The following LRP1 variants were observed in gnomAD, a reference collection of about 807,000 sequenced individuals.
The protein encoded by LRP1 is LDL receptor related protein 1.
A neutral mutation model predicts 541.5 loss-of-function variants in LRP1; 51 were observed. The observed-to-expected ratio is 0.09, with a 90% CI of 0.08 to 0.12. The LOEUF (loss-of-function observed/expected upper bound fraction) is 0.12, where lower values mean the gene tolerates loss of function less well. LRP1 is among the 10% of genes least tolerant of loss of function. The pLI is 1.00. For synonymous variants in LRP1, 2,219 were observed against 2,470.8 expected, an observed-to-expected ratio of 0.90 and a Z score of 3.02; for missense variants, 3,878 against 6,376.2, an observed-to-expected ratio of 0.61 and a Z score of 13.34.
At chr12:57,192,715 G>GC in intron 44 of LRP1, 130 bp from the exon 45 acceptor site, 1 of 1,307,736 alleles carries the variant, frequency 7.6e-7, no homozygotes, top group Non-Finnish European at 1.1e-6. Context: ...CTGGCTGCAA[G>GC]CCGCTGTGCC....
At chr12:57,196,799 A>C (rs769495688) in intron 55 of LRP1, among the ~76,000 whole-genome samples, 183 bp from the exon 56 acceptor site, 1 of 152,144 alleles carries the variant, frequency 6.6e-6, no homozygotes, top group Non-Finnish European at 1.5e-5. Context: ...AGCTCTGTCA[A>C]ATGACACTCG....
intron 1 of LRP1, among the ~76,000 whole-genome samples, chr12:57,135,847 G>T (rs979587099): frequency 2.0e-5 from 3 of 151,974 alleles, no homozygotes; most frequent in South Asian, 2.1e-4. Context: ...CAGCGGGGGG[G>T]ACTCAGTGAG....
intron 4 of LRP1, 35 bp downstream of exon 4, chr12:57,143,833 G>T (rs751258313): frequency 1.3e-6 from 2 of 1,590,552 alleles, no homozygotes; most frequent in Admixed American, 3.4e-5. Flanking sequence ...GCATGTGTGT[G>T]TGCCAGTAGC....
In LRP1 at chr12:57,178,288, G is replaced by A; in HGVS notation, c.4362-71G>A. ...GGGCTGTGGCCAGGGCCCAGAGGGT[G>A]GGCACCTGGGCAGAGCTCTGAGGGC... On this transcript the variant is annotated intron_variant, in intron 26 of 88. Coordinates refer to ENST00000243077, the MANE Select transcript of LRP1 (RefSeq NM_002332.3). This position sits in a 1 kb window ranked among gnomAD's most constrained non-coding sequence, Gnocchi z 5.8. 6.5e-7 allele frequency: 1 copy of A among 1,545,150 alleles called. No individual in the cohort carries two copies.
rs766859638 is a variant in LRP1, at chr12:57,166,215, G to A, written c.2797+6G>A. On this transcript the variant is annotated splice_donor_region_variant and intron_variant, in intron 17 of 88. Transcript: ENST00000243077. ...GTCCAATGCCACTTGTTCAGGTGTG[G>A]AGCGGGGCTCAGATCACACGAGGCA... 2 of 1,599,664 alleles carry A rather than the reference G, an allele frequency of 1.3e-6. No homozygotes were observed. The highest frequency in any genetic ancestry group is 1.3e-5 in the African/African-American group (1 of 74,498).
chr12:57,201,737 C>G lies in LRP1; in HGVS notation c.10469-43C>G, dbSNP rs767105603. On this transcript the variant is annotated intron_variant, in intron 66 of 88. Coordinates refer to ENST00000243077, the MANE Select transcript of LRP1 (RefSeq NM_002332.3). This position sits in a 1 kb window ranked among gnomAD's most constrained non-coding sequence, Gnocchi z 6.4. ...CTCTCCCCACCCTCCCGGCACACTC[C>G]TGGAAGGAGTCTCATCCTCACCCCA... 2 of 1,610,286 alleles carry G rather than the reference C, an allele frequency of 1.2e-6. No homozygotes were observed. Among genetic ancestry groups the G allele is most frequent in the Admixed American group, 1.7e-5 (1 of 59,898 alleles).
At chr12:57,147,917 T>G (rs1291301462) in intron 6 of LRP1, among the ~76,000 whole-genome samples, 1 of 152,098 alleles carries the variant, frequency 6.6e-6, no homozygotes, top group Non-Finnish European at 1.5e-5. Context: ...GTTATCCCCC[T>G]GGATTGGGTG....
At chr12:57,200,181 G>GC in intron 62 of LRP1, 156 bp downstream of exon 62, 1 of 673,862 alleles carries the variant, frequency 1.5e-6, no homozygotes, top group South Asian at 1.9e-5. Context: ...TCTCCCCACA[G>GC]CAATACTTTT....
intron 1 of LRP1, among the ~76,000 whole-genome samples, chr12:57,131,771 C>T (rs1475992174): frequency 6.6e-6 from 1 of 152,180 alleles, no homozygotes; most frequent in African/African-American, 2.4e-5. Flanking sequence ...TTCATTTTCT[C>T]AACCACCCTT....
intron 22 of LRP1, among the ~76,000 whole-genome samples, chr12:57,174,610 G>A (rs577384638): frequency 1.3e-5 from 2 of 152,220 alleles, no homozygotes; most frequent in East Asian, 3.9e-4. Context: ...CCCTGTCTCT[G>A]CTAAAAATAC....
intron 20 of LRP1, among the ~76,000 whole-genome samples, chr12:57,170,273 C>T (rs934995187): frequency 2.6e-5 from 4 of 152,218 alleles, no homozygotes; most frequent in Admixed American, 2.6e-4. Flanking sequence ...TCTGCAAAGA[C>T]ACTATTTCCA....
At chr12:57,166,429 C>T (rs776699171) in intron 17 of LRP1, 34 of 543,648 alleles carry the variant, frequency 6.3e-5, no homozygotes, top group East Asian at 1.7e-4. Context: ...GGCGTGGTGG[C>T]GTGCACCTCT....
chr12:57,209,867 A>G lies in LRP1; in HGVS notation c.12438A>G (p.Glu4146=), dbSNP rs1468380507. 1 of 1,613,462 alleles carries G rather than the reference A, an allele frequency of 6.2e-7. No individual in the cohort carries two copies. The highest frequency in any genetic ancestry group is 8.5e-7 in the Non-Finnish European group (1 of 1,179,766). ...TTTACCATCAGCACAAGCAGCCCGAAGGTGGGGGCAGAGGGGAGCCTGGGC... is the reference window on the plus strand; with the variant it reads ...TTTACCATCAGCACAAGCAGCCCGAGGGTGGGGGCAGAGGGGAGCCTGGGC... ...VVLYHQHKQP[E]VTNPCDRKKC... is the part of the protein sequence containing the mutation. The change falls in exon 80 of 89, where the codon GAA becomes GAG. Residue 4146 remains glutamate (E), a splice_region_variant and synonymous_variant. Transcript: ENST00000243077.
At position 57,211,149 on chromosome 12, in the gene LRP1, G is replaced by A. The variant is rs2136757561; in HGVS notation, c.12917-27G>A. On this transcript the variant is annotated intron_variant, in intron 83 of 88. Coordinates refer to ENST00000243077, the MANE Select transcript of LRP1 (RefSeq NM_002332.3). The surrounding 1 kb of genome is among the most constrained non-coding windows in gnomAD (Gnocchi z 4.3). ...GAGCCCTCATGAGGGTGGGGCTTGAGGCACTTCTCTCCCTCCCCAACCACA... is the reference window on the plus strand; with the variant it reads ...GAGCCCTCATGAGGGTGGGGCTTGAAGCACTTCTCTCCCTCCCCAACCACA... 6.2e-7 allele frequency: 1 copy of A among 1,610,562 alleles called. No homozygotes were observed. The highest frequency in any genetic ancestry group is 8.5e-7 in the Non-Finnish European group (1 of 1,177,412).
chr12:57,193,157 C>T lies in LRP1; in HGVS notation c.7556-19C>T. On this transcript the variant is annotated intron_variant, in intron 45 of 88. Transcript: ENST00000243077. ...CCCACAGCGCTGGCTCAGAAAGCTC[C>T]CTCCACCTCCCTCCCCAGCGGTGAA... 1 of 1,612,764 alleles carries T rather than the reference C, an allele frequency of 6.2e-7. No individual in the cohort carries two copies. The highest frequency in any genetic ancestry group is 8.5e-7 in the Non-Finnish European group (1 of 1,179,246).
Position 57,145,410 on chromosome 12 carries a change from C to T in LRP1, c.761C>T (p.Thr254Met), listed in dbSNP as rs756497827. Residue 254 changes from threonine (T) to methionine (M), a missense_variant, in exon 6 of 89, where the codon ACG (threonine) becomes ATG (methionine). Coordinates refer to ENST00000243077, the MANE Select transcript of LRP1 (RefSeq NM_002332.3). ...WVHVGDSAAQ[T>M]QLKCARMPGL... ...CATGTTGGGGACAGTGCTGCTCAGACGCAGCTCAAGTGTGCCCGCATGCCT... is the reference window on the plus strand; with the variant it reads ...CATGTTGGGGACAGTGCTGCTCAGATGCAGCTCAAGTGTGCCCGCATGCCT... 8 of 1,614,020 alleles carry T rather than the reference C, an allele frequency of 5.0e-6. No individual in the cohort carries two copies. The African/African-American group carries it at 5.3e-5, about 11-fold the overall frequency.
At chr12:57,166,533 C>A in intron 17 of LRP1, 1 of 392,732 alleles carries the variant, frequency 2.5e-6, no homozygotes, top group East Asian at 5.2e-5. Flanking sequence ...TGCTCTCCAG[C>A]CTAGACAACA....
At chr12:57,141,218 A>G (rs1447767037) in intron 2 of LRP1, among the ~76,000 whole-genome samples, 156 bp from the exon 3 acceptor site, 3 of 152,216 alleles carry the variant, frequency 2.0e-5, no homozygotes, top group African/African-American at 7.2e-5. Flanking sequence ...ACTGTGGGGA[A>G]TATTGTAAAA....
chr12:57,144,766 T>G, intron 4 of LRP1: 1 of 587,612 alleles, frequency 1.7e-6, no homozygotes. Flanking sequence ...GGATGAGTGA[T>G]ATGTACACGA....
Sources: gnomAD v4.1 joint callset for allele counts (sites outside exome capture counted in the v4.1 genomes callset) on GRCh38, gnomAD v4.1.1 for gene constraint, Gnocchi (gnomAD v3.1) non-coding constraint, MANE v1.5 for transcripts, NCBI Gene and HGNC (gene_info 2026-07-23, HGNC 2026-07-21) for gene names.